Variants in EDIL3 observed in about 807,000 individuals in gnomAD.
The protein encoded by EDIL3 is EGF-like repeat and discoidin I-like domain-containing protein 3.
Under a neutral mutation model 67.4 loss-of-function variants are expected in EDIL3, and 37 were observed. The observed-to-expected ratio is 0.55, with a 90% CI of 0.42 to 0.72. The LOEUF (loss-of-function observed/expected upper bound fraction) is 0.72. Ranked by LOEUF, EDIL3 falls within the 30% of genes least tolerant of loss-of-function variation. The pLI is 0.00. For synonymous variants in EDIL3, 195 were observed against 196.3 expected, an observed-to-expected ratio of 0.99 and a Z score of 0.05; for missense variants, 527 against 586.3, an observed-to-expected ratio of 0.90 and a Z score of 1.04.
At chr5:84,061,650 A>T (rs559576412) in intron 8 of EDIL3, among the ~76,000 whole-genome samples, 1 of 152,244 alleles carries the variant, frequency 6.6e-6, no homozygotes, top group Non-Finnish European at 1.5e-5. Context: ...CATCTGTAAG[A>T]TGGTGATAAT....
chr5:84,075,483 C>CTTCTTATTA (rs751286945), intron 6 of EDIL3, among the ~76,000 whole-genome samples: 2 of 151,092 alleles, frequency 1.3e-5, no homozygotes, highest in African/African-American at 4.9e-5. Flanking sequence ...TCTTCTTCTT[C>CTTCTTATTA]TTATTATTTT....
chr5:84,028,639 A>T (rs980583091), intron 9 of EDIL3, among the ~76,000 whole-genome samples: 3 of 152,170 alleles, frequency 2.0e-5, no homozygotes, highest in African/African-American at 7.2e-5. Flanking sequence ...AACTTCAAAA[A>T]AAGTCCAAAG....
chr5:84,204,875 T>C (rs956328155), intron 3 of EDIL3, among the ~76,000 whole-genome samples: 4 of 151,470 alleles, frequency 2.6e-5, no homozygotes, highest in Admixed American at 2.6e-4. Flanking sequence ...TTAAATGTAA[T>C]GTTTCCTGTA....
At chr5:83,984,697 C>T (rs972890508) in intron 9 of EDIL3, among the ~76,000 whole-genome samples, 3 of 151,938 alleles carry the variant, frequency 2.0e-5, no homozygotes, top group African/African-American at 7.2e-5. Context: ...GGAAGCCAGG[C>T]AGATCATTAT....
chr5:84,300,427 A>T (rs1746135238), intron 1 of EDIL3, among the ~76,000 whole-genome samples: 1 of 152,194 alleles, frequency 6.6e-6, no homozygotes, highest in Non-Finnish European at 1.5e-5. Flanking sequence ...CAAAGGAAAT[A>T]ACTATTTGCA....
At chr5:83,964,037 T>C (rs988930239) in intron 9 of EDIL3, among the ~76,000 whole-genome samples, 3 of 151,910 alleles carry the variant, frequency 2.0e-5, no homozygotes, top group African/African-American at 7.2e-5. Flanking sequence ...GTAGAGTCTA[T>C]GCTCATAATG....
At chr5:84,140,121 T>C (rs1326956406) in intron 4 of EDIL3, among the ~76,000 whole-genome samples, 1 of 152,122 alleles carries the variant, frequency 6.6e-6, no homozygotes, top group Non-Finnish European at 1.5e-5. Context: ...AAGAACCTAG[T>C]GAAGCCATAT....
intron 1 of EDIL3, among the ~76,000 whole-genome samples, chr5:84,383,624 G>C (rs1051860648): frequency 2.0e-5 from 3 of 152,158 alleles, no homozygotes; most frequent in Non-Finnish European, 2.9e-5. Context: ...GTACTCGGAG[G>C]GGGTGCGCAG....
intron 10 of EDIL3, among the ~76,000 whole-genome samples, chr5:83,950,392 T>C (rs1350064272): frequency 6.6e-6 from 1 of 151,834 alleles, no homozygotes; most frequent in Non-Finnish European, 1.5e-5. Context: ...ACAGGTTTCA[T>C]CTAAGTTTTG....
At chr5:84,209,381 A>G (rs1744067804) in intron 3 of EDIL3, among the ~76,000 whole-genome samples, 1 of 152,158 alleles carries the variant, frequency 6.6e-6, no homozygotes, top group South Asian at 2.1e-4. Flanking sequence ...ATAATAATAA[A>G]AAAAAGAGTT....
intron 9 of EDIL3, among the ~76,000 whole-genome samples, chr5:83,973,608 G>A (rs111806531): frequency 2.0e-5 from 3 of 151,986 alleles, no homozygotes; most frequent in East Asian, 1.9e-4. Context: ...TTGTTTACAC[G>A]TGTAAAAACT....
chr5:84,064,990 G>T, intron 7 of EDIL3, 146 bp from the exon 8 acceptor site: 1 of 1,042,964 alleles, frequency 9.6e-7, no homozygotes, highest in Non-Finnish European at 1.3e-6. Context: ...GAAGTGCCTT[G>T]CCATGAGCAC....
chr5:84,161,586 T>C (rs1171307106), intron 4 of EDIL3, among the ~76,000 whole-genome samples: 1 of 152,110 alleles, frequency 6.6e-6, no homozygotes, highest in African/African-American at 2.4e-5. Context: ...TTCTGATTAT[T>C]TCTAGGTAAT....
intron 10 of EDIL3, among the ~76,000 whole-genome samples, chr5:83,948,233 TTATATAAG>T (rs1744347781): frequency 6.6e-6 from 1 of 151,752 alleles, no homozygotes; most frequent in South Asian, 2.1e-4. Flanking sequence ...CATTTATATA[TTATATAAG>T]TATATAATTC....
intron 1 of EDIL3, among the ~76,000 whole-genome samples, chr5:84,273,064 C>T (rs929820181): frequency 2.0e-5 from 3 of 151,974 alleles, no homozygotes; most frequent in African/African-American, 7.2e-5. Flanking sequence ...ATTTTTCATA[C>T]AAGGCTAAAA....
intron 9 of EDIL3, among the ~76,000 whole-genome samples, chr5:84,028,169 AT>A (rs1745851878): frequency 6.6e-6 from 1 of 151,604 alleles, no homozygotes; most frequent in South Asian, 2.1e-4. Context: ...TCCCTCCCCC[AT>A]TTTTTTCCTG....
At chr5:84,160,751 TTTCCTTTCCTTTC>T (rs1748590634) in intron 4 of EDIL3, among the ~76,000 whole-genome samples, 25 of 16,458 alleles carry the variant, frequency 1.5e-3, no homozygotes, top group African/African-American at 3.1e-3. Flanking sequence ...TTTTCTTTCC[TTTCCTTTCCTTTC>T]CTTTCCTTTC....
At chr5:84,367,141 T>TG (rs994212298) in intron 1 of EDIL3, among the ~76,000 whole-genome samples, 19 of 152,208 alleles carry the variant, frequency 1.2e-4, no homozygotes, top group Non-Finnish European at 2.2e-4. Context: ...TTAAGTCATG[T>TG]GGGGAAGCAC....
At chr5:84,192,240 T>C (rs1443059269) in intron 3 of EDIL3, among the ~76,000 whole-genome samples, 1 of 151,722 alleles carries the variant, frequency 6.6e-6, no homozygotes, top group Non-Finnish European at 1.5e-5. Context: ...CTCCTGCTCT[T>C]ACACATCCTC....
Sources: gnomAD v4.1 joint callset for allele counts (sites outside exome capture counted in the v4.1 genomes callset) on GRCh38, gnomAD v4.1.1 for gene constraint, MANE v1.5 for transcripts, NCBI Gene and HGNC (gene_info 2026-07-23, HGNC 2026-07-21) for gene names.